Variants in JCAD observed in about 807,000 individuals in gnomAD.
JCAD encodes junctional cadherin 5 associated, also known as junctional cadherin 5-associated protein.
A neutral mutation model predicts 98.0 loss-of-function variants in JCAD; 40 were observed. The ratio of observed to expected loss-of-function variants is 0.41; its 90% CI spans 0.32 to 0.53. JCAD has a LOEUF of 0.53. Ranked by LOEUF, JCAD falls within the 20% of genes least tolerant of loss-of-function variation. The pLI is 0.31. For synonymous variants in JCAD, 691 were observed against 682.3 expected (o/e 1.01, Z -0.20); for missense variants, 1,705 against 1,738.1 (o/e 0.98, Z 0.34).
rs1448787405 is a variant in JCAD, at chr10:30,026,967, C to T, written c.3181G>A (p.Ala1061Thr). ...VGLTPGQEQGASELEGSLGEA... is the reference protein window; with the variant it reads ...VGLTPGQEQGTSELEGSLGEA... ...CCCAAAGACCCCTCTAGCTCACTGG[C>T]ACCCTGTTCTTGCCCAGGGGTGAGC... The change falls in exon 3 of 4, where the codon GCC becomes ACC. Residue 1061 changes from alanine (A) to threonine (T), a missense_variant. Physicochemically the swap from Ala to Thr is moderately conservative, Grantham distance 58 (BLOSUM62 0). Coordinates refer to ENST00000375377, the MANE Select transcript of JCAD (RefSeq NM_020848.4). The T allele has an allele frequency of 1.9e-6, 3 of 1,614,222 alleles. No individual in the cohort carries two copies. Among genetic ancestry groups the T allele is most frequent in the Non-Finnish European group, 2.5e-6 (3 of 1,180,044 alleles).
At chr10:30,090,135 T>C (rs1325018613) in intron 1 of JCAD, among the ~76,000 whole-genome samples, 2 of 152,252 alleles carry the variant, frequency 1.3e-5, no homozygotes, top group South Asian at 2.1e-4. Context: ...TTTATATTCC[T>C]GTGTTTCTGA....
intron 1 of JCAD, among the ~76,000 whole-genome samples, chr10:30,114,597 A>C (rs933066292): frequency 1.9e-4 from 26 of 140,404 alleles, no homozygotes; most frequent in Non-Finnish European, 3.2e-4. Flanking sequence ...AAAAAAAAAA[A>C]AAACCAGGAG....
chr10:30,071,283 C>G (rs1790821764), intron 1 of JCAD, among the ~76,000 whole-genome samples: 1 of 152,142 alleles, frequency 6.6e-6, no homozygotes, highest in Non-Finnish European at 1.5e-5. Context: ...GACAAATTGT[C>G]CTAATATCAT....
rs537891885 is a variant in JCAD, at chr10:30,110,108, G to A, written n.128+5259C>T. Among the ~76,000 whole-genome samples, 74 of 151,876 alleles carry A rather than the reference G, an allele frequency of 4.9e-4. No individual in the cohort carries two copies. The Middle Eastern group carries it at 0.017, about 35-fold the overall frequency. ...GGATGTATGGACTCACTTATGTATC[G>A]ACCAGATGATGTATAGACTCCCCGC... On this transcript the variant is annotated intron_variant and non_coding_transcript_variant, in intron 1 of 2. Coordinates refer to the JCAD transcript ENST00000465712.
At chr10:30,107,907 A>G (rs1838615397) in intron 1 of JCAD, among the ~76,000 whole-genome samples, 2 of 152,196 alleles carry the variant, frequency 1.3e-5, no homozygotes, top group South Asian at 2.1e-4. Flanking sequence ...TTAAAAAAAA[A>G]TGGCCATAGT....
upstream of JCAD, among the ~76,000 whole-genome samples, chr10:30,063,889 C>T (rs868171837): frequency 1.3e-5 from 2 of 151,876 alleles, no homozygotes; most frequent in African/African-American, 4.8e-5. Flanking sequence ...CTTACTGCAA[C>T]CTCCGCGTCA....
chr10:30,085,684 G>A (rs1032608351), intron 1 of JCAD, among the ~76,000 whole-genome samples: 2 of 152,162 alleles, frequency 1.3e-5, no homozygotes, highest in African/African-American at 4.8e-5. Context: ...TGGAGATGGG[G>A]AGTGATAGGT....
At chr10:30,077,130 A>G (rs563504740) in intron 1 of JCAD, among the ~76,000 whole-genome samples, 1 of 152,338 alleles carries the variant, frequency 6.6e-6, no homozygotes, top group African/African-American at 2.4e-5. Context: ...AACCAGCTTC[A>G]CAGAGTCTGA....
At chr10:30,093,803 G>T (rs1400525307) in intron 1 of JCAD, among the ~76,000 whole-genome samples, 1 of 152,282 alleles carries the variant, frequency 6.6e-6, no homozygotes, top group East Asian at 1.9e-4. Context: ...ATAGAGTCTA[G>T]CTCAGAGATT....
intron 1 of JCAD, among the ~76,000 whole-genome samples, chr10:30,082,056 G>A (rs538101797): frequency 1.1e-3 from 161 of 152,192 alleles, no homozygotes; most frequent in African/African-American, 3.7e-3. Context: ...TAAATATATC[G>A]TTTACGTCTA....
rs1401242941 is a variant in JCAD, at chr10:30,016,416, G to C, written c.*1467C>G. ...AGAAAGGAAGGGAGGGAGGGAGGGAGGGAGGGGAAATGATTTAGGGAATGT... is the reference window on the plus strand; with the variant it reads ...AGAAAGGAAGGGAGGGAGGGAGGGACGGAGGGGAAATGATTTAGGGAATGT... On this transcript the variant is annotated 3_prime_UTR_variant, in exon 4 of 4. Transcript: ENST00000375377. 1 of 147,382 alleles carries C rather than the reference G, an allele frequency of 6.8e-6. No individual in the cohort carries two copies. Among genetic ancestry groups the C allele is most frequent in the Non-Finnish European group, 1.5e-5 (1 of 67,164 alleles). The allele number at this position is 147,382 out of a possible 1,614,324, so 9.1% of individuals were successfully genotyped here.
chr10:30,034,163 C>T (rs1025573930), intron 2 of JCAD, among the ~76,000 whole-genome samples: 1 of 151,910 alleles, frequency 6.6e-6, no homozygotes. Flanking sequence ...GAGGAGGTTG[C>T]AGTGAGCTGA....
chr10:30,032,991 G>C lies in JCAD; in HGVS notation c.282-3125C>G, dbSNP rs140499498. On this transcript the variant is annotated intron_variant, in intron 2 of 3. Coordinates refer to ENST00000375377, the MANE Select transcript of JCAD (RefSeq NM_020848.4). ...ACTTGCTTAATACTAACATCTACTG[G>C]GCACCCATGCTGTACCATGCATGGT... 2.4e-3 allele frequency among the ~76,000 whole-genome samples: 358 copies of C among 152,174 alleles called. 1 individual carries two copies. Among genetic ancestry groups the C allele is most frequent in the African/African-American group, 8.4e-3 (348 of 41,504 alleles).
intron 2 of JCAD, among the ~76,000 whole-genome samples, chr10:30,040,782 G>A (rs912524096): frequency 3.9e-5 from 6 of 152,166 alleles, no homozygotes; most frequent in Non-Finnish European, 2.9e-5. Flanking sequence ...CCTGTCCTTT[G>A]TCGAGAACGC....
At chr10:30,018,566 A>T (rs1176297410) in intron 3 of JCAD, among the ~76,000 whole-genome samples, 5 of 152,160 alleles carry the variant, frequency 3.3e-5, no homozygotes, top group African/African-American at 1.2e-4. Context: ...ACTGCCGTCA[A>T]TGGAAAAATC....
chr10:30,027,064 C>T lies in JCAD; in HGVS notation c.3084G>A (p.Arg1028=). 2 of 1,614,220 alleles carry T rather than the reference C, an allele frequency of 1.2e-6. No individual in the cohort carries two copies. The highest frequency in any genetic ancestry group is 1.7e-6 in the Non-Finnish European group (2 of 1,180,024). Residue 1028 remains arginine (R), a synonymous_variant, in exon 3 of 4, where the codon AGG becomes AGA. Coordinates refer to ENST00000375377, the MANE Select transcript of JCAD (RefSeq NM_020848.4). ...ACAGGGACAGTGGGAGCCCTGCCCC[C>T]CTCTCTCCACCACTGTCAAACTTCC... The part of the protein sequence containing the change: ...VPRKFDSGGE[R]GAGLPLSLSN...
At chr10:30,067,428 G>A (rs1837804173) in intron 2 of JCAD, among the ~76,000 whole-genome samples, 1 of 152,022 alleles carries the variant, frequency 6.6e-6, no homozygotes, top group African/African-American at 2.4e-5. Context: ...CCAGGATCAA[G>A]CGATCCTCCT....
At chr10:30,021,390 G>A (rs777376521) in intron 3 of JCAD, among the ~76,000 whole-genome samples, 5 of 152,038 alleles carry the variant, frequency 3.3e-5, no homozygotes, top group Non-Finnish European at 7.4e-5. Flanking sequence ...GTAGAGATGG[G>A]GGTCTCGCTA....
chr10:30,040,572 C>T (rs116034202), intron 2 of JCAD, among the ~76,000 whole-genome samples: 258 of 152,300 alleles, frequency 1.7e-3, no homozygotes, highest in African/African-American at 6.0e-3. Flanking sequence ...GGAGTATTCG[C>T]GGTGCCTCCG....
Sources: allele counts gnomAD v4.1 joint callset (sites outside exome capture counted in the v4.1 genomes callset), GRCh38; gene constraint gnomAD v4.1.1; transcripts MANE v1.5; gene names NCBI Gene and HGNC (gene_info 2026-07-23, HGNC 2026-07-21).